Variants in KCNT2 observed in about 807,000 individuals in gnomAD.
The protein encoded by KCNT2 is potassium sodium-activated channel subfamily T member 2, also known as potassium channel subfamily T member 2.
A neutral mutation model predicts 153.8 loss-of-function variants in KCNT2; 67 were observed. The observed-to-expected ratio is 0.44, with a 90% CI of 0.36 to 0.53. The LOEUF is 0.53. Among genes scored for constraint, KCNT2 ranks in the 20% least tolerant of loss-of-function variants. KCNT2 has a pLI of 0.00. For missense variants in KCNT2, 975 were observed against 1,354.8 expected, an observed-to-expected ratio of 0.72 and a Z score of 4.40; for synonymous variants, 500 against 458.8, an observed-to-expected ratio of 1.09 and a Z score of -1.15.
At chr1:196,503,486 A>G (rs1208755005) in intron 1 of KCNT2, among the ~76,000 whole-genome samples, 1 of 152,156 alleles carries the variant, frequency 6.6e-6, no homozygotes, top group Non-Finnish European at 1.5e-5. Context: ...CCTTTTCTCT[A>G]TACATAAGAG....
intron 16 of KCNT2, among the ~76,000 whole-genome samples, chr1:196,339,722 A>G (rs1006447342): frequency 3.3e-5 from 5 of 152,114 alleles, no homozygotes; most frequent in African/African-American, 1.2e-4. Flanking sequence ...CTTGTGACAG[A>G]TACTAAATGT....
chr1:196,301,680 T>C (rs1661195973), intron 22 of KCNT2, among the ~76,000 whole-genome samples: 1 of 152,114 alleles, frequency 6.6e-6, no homozygotes, highest in South Asian at 2.1e-4. Context: ...GAAGACCACT[T>C]AGTAGCAAAA....
intron 22 of KCNT2, among the ~76,000 whole-genome samples, chr1:196,286,745 AT>A (rs541414854): frequency 1.0e-4 from 15 of 150,696 alleles, no homozygotes; most frequent in East Asian, 3.9e-4. Flanking sequence ...TTCTGTTGCA[AT>A]TTTTTTTTCC....
intron 8 of KCNT2, among the ~76,000 whole-genome samples, chr1:196,456,675 C>G (rs762771165): frequency 2.6e-5 from 4 of 152,014 alleles, no homozygotes; most frequent in Middle Eastern, 6.8e-3. Flanking sequence ...TCCATTTTGA[C>G]TTTGTTCATA....
At chr1:196,305,981 A>G (rs922547292) in intron 21 of KCNT2, among the ~76,000 whole-genome samples, 5 of 152,138 alleles carry the variant, frequency 3.3e-5, no homozygotes, top group African/African-American at 1.2e-4. Flanking sequence ...CACTCTCTCA[A>G]ATATATACCA....
intron 15 of KCNT2, among the ~76,000 whole-genome samples, chr1:196,341,340 GA>G (rs1308519223): frequency 5.9e-5 from 9 of 151,854 alleles, no homozygotes; most frequent in Non-Finnish European, 1.2e-4. Flanking sequence ...TACTGAAAGT[GA>G]AAAATAAAAT....
In KCNT2 at chr1:196,305,092, A is replaced by T. The variant is rs1661507478; in HGVS notation, c.2595+142T>A. On this transcript the variant is annotated intron_variant, in intron 22 of 27. Coordinates refer to ENST00000294725, the MANE Select transcript of KCNT2 (RefSeq NM_198503.5). ...AATTCACATTTTTAAAAAAATTATCAATTAGAATTTCATCTCCCAAATAAA... is the reference window on the plus strand; with the variant it reads ...AATTCACATTTTTAAAAAAATTATCTATTAGAATTTCATCTCCCAAATAAA... 9 of 614,042 alleles carry T rather than the reference A, an allele frequency of 1.5e-5. No individual in the cohort carries two copies. In the East Asian group the frequency reaches 2.3e-4, roughly 16 times the overall value. The allele number at this position is 614,042 out of a possible 1,614,324, so 38.0% of individuals were successfully genotyped here.
chr1:196,607,628 T>C (rs992365784), intron 1 of KCNT2, among the ~76,000 whole-genome samples: 2 of 152,180 alleles, frequency 1.3e-5, no homozygotes, highest in African/African-American at 4.8e-5. Flanking sequence ...TATATTGTAT[T>C]AAAAAGGTTG....
chr1:196,362,758 G>A (rs1419404982), intron 14 of KCNT2, among the ~76,000 whole-genome samples: 1 of 151,980 alleles, frequency 6.6e-6, no homozygotes, highest in African/African-American at 2.4e-5. Context: ...AGAGTTTCAG[G>A]CAGTCATTTT....
At chr1:196,265,297 C>T (rs1657436329) in intron 25 of KCNT2, among the ~76,000 whole-genome samples, 1 of 152,200 alleles carries the variant, frequency 6.6e-6, no homozygotes, top group South Asian at 2.1e-4. Context: ...TGCCCACTGG[C>T]AAGCATACTT....
At chr1:196,314,721 G>C (rs975566490) in intron 21 of KCNT2, among the ~76,000 whole-genome samples, 1 of 151,654 alleles carries the variant, frequency 6.6e-6, no homozygotes, top group Admixed American at 6.6e-5. Flanking sequence ...CACAAAGTTA[G>C]TGACTGTCAG....
chr1:196,334,970 C>T (rs1470001403), intron 16 of KCNT2, among the ~76,000 whole-genome samples: 1 of 152,012 alleles, frequency 6.6e-6, no homozygotes, highest in African/African-American at 2.4e-5. Flanking sequence ...GCCCAAGTGG[C>T]TTAAGGTTAT....
At position 196,608,222 on chromosome 1, in the gene KCNT2, C is replaced by G. The variant is rs1665537836; in HGVS notation, c.88G>C (p.Asp30His). Residue 30 changes from aspartate (D) to histidine (H), a missense_variant, in exon 1 of 28, where the codon GAC becomes CAC. Physicochemically the swap from Asp to His is moderately conservative, Grantham distance 81. Coordinates refer to ENST00000294725, the MANE Select transcript of KCNT2 (RefSeq NM_198503.5). Reference sequence around the variant, plus strand: ...CTCCACCACACCACTCACCTGTCGTCGTTTTGCCATCCTTGGTCCCCTAGC... The same window carrying G: ...CTCCACCACACCACTCACCTGTCGTGGTTTTGCCATCCTTGGTCCCCTAGC... ...LLLGDQGWQNDDRVQVEFYMN... is the reference protein window; with the variant it reads ...LLLGDQGWQNHDRVQVEFYMN... 6 of 1,613,846 alleles carry G rather than the reference C, an allele frequency of 3.7e-6. No homozygotes were observed. Among genetic ancestry groups the G allele is most frequent in the Admixed American group, 3.3e-5 (2 of 60,010 alleles).
At position 196,418,219 on chromosome 1, in the gene KCNT2, T is replaced by C. The variant is rs373285122; in HGVS notation, c.1185+4831A>G. On this transcript the variant is annotated intron_variant, in intron 12 of 27. Transcript: ENST00000294725. ...GGCTGGGCACGGTGGCTCACACCTGTAATCCCAGCGCTTTGGGAGGCCAAG... is the reference window on the plus strand; with the variant it reads ...GGCTGGGCACGGTGGCTCACACCTGCAATCCCAGCGCTTTGGGAGGCCAAG... Among the ~76,000 whole-genome samples, 4 of 152,070 alleles carry C rather than the reference T, an allele frequency of 2.6e-5. No homozygotes were observed. In the East Asian group the frequency reaches 5.8e-4, roughly 22 times the overall value.
chr1:196,561,939 A>T (rs1659469950), intron 1 of KCNT2, among the ~76,000 whole-genome samples: 1 of 151,892 alleles, frequency 6.6e-6, no homozygotes. Context: ...TTATCTAAAG[A>T]CCTGGAATTC....
intron 14 of KCNT2, among the ~76,000 whole-genome samples, chr1:196,347,674 C>A (rs1572121562): frequency 6.6e-6 from 1 of 152,158 alleles, no homozygotes; most frequent in South Asian, 2.1e-4. Flanking sequence ...CAAAGCCCTG[C>A]TCACCTGTTC....
chr1:196,363,434 A>AC (rs1181538158), intron 14 of KCNT2, among the ~76,000 whole-genome samples: 1 of 152,110 alleles, frequency 6.6e-6, no homozygotes, highest in Admixed American at 6.6e-5. Context: ...GATGATGTTT[A>AC]CCAATCAAGA....
chr1:196,327,488 T>C (rs533561055), intron 18 of KCNT2, among the ~76,000 whole-genome samples: 1 of 152,248 alleles, frequency 6.6e-6, no homozygotes, highest in South Asian at 2.1e-4. Flanking sequence ...TCATGGAGTC[T>C]AGAATTTGAC....
At position 196,384,450 on chromosome 1, in the gene KCNT2, T is replaced by C. The variant is rs375649373; in HGVS notation, c.1295-11202A>G. 1.8e-4 allele frequency among the ~76,000 whole-genome samples: 27 copies of C among 152,132 alleles called. No homozygotes were observed. The South Asian group carries it at 5.4e-3, about 30-fold the overall frequency. On this transcript the variant is annotated intron_variant, in intron 13 of 27. Coordinates refer to ENST00000294725, the MANE Select transcript of KCNT2 (RefSeq NM_198503.5). ...CTCACGCCTGTAATCTTAGCACTTT[T>C]GGAGGCCAAGGTGGGCGGATCACTT...
Sources: allele counts gnomAD v4.1 joint callset (sites outside exome capture counted in the v4.1 genomes callset), GRCh38; gene constraint gnomAD v4.1.1; transcripts MANE v1.5; gene names NCBI Gene and HGNC (gene_info 2026-07-23, HGNC 2026-07-21).